Variants in COA1 observed in about 807,000 individuals in gnomAD.
The protein encoded by COA1 is cytochrome c oxidase assembly factor 1.
COA1 carries 13 observed loss-of-function variants against 16.0 expected under a neutral mutation model. The ratio of observed to expected loss-of-function variants is 0.81; its 90% CI spans 0.53 to 1.29. The LOEUF (loss-of-function observed/expected upper bound fraction) is 1.29, where lower values mean the gene tolerates loss of function less well. COA1 is among the 50% of genes most tolerant of loss of function. COA1 has a pLI of 0.00. For synonymous variants in COA1, 65 were observed against 65.7 expected (o/e 0.99, Z 0.05); for missense variants, 179 against 177.0 (o/e 1.01, Z -0.06).
intron 1 of COA1, among the ~76,000 whole-genome samples, chr7:43,696,688 G>T (rs527349081): frequency 1.3e-5 from 2 of 149,416 alleles, no homozygotes; most frequent in Admixed American, 6.6e-5. Flanking sequence ...TAAAAATGTT[G>T]ATATATACAT....
chr7:43,697,169 T>C (rs1295543041), intron 1 of COA1, among the ~76,000 whole-genome samples: 1 of 152,058 alleles, frequency 6.6e-6, no homozygotes, highest in Non-Finnish European at 1.5e-5. Context: ...CTGGCAAATA[T>C]GTAAAAATAT....
chr7:43,720,452 A>T (rs1188110437), intron 1 of COA1, among the ~76,000 whole-genome samples: 1 of 152,098 alleles, frequency 6.6e-6, no homozygotes. Flanking sequence ...TTTTTCAGAA[A>T]CTTACAAACT....
chr7:43,628,163 T>C (rs1368785104), intron 6 of COA1, among the ~76,000 whole-genome samples: 3 of 150,302 alleles, frequency 2.0e-5, no homozygotes, highest in Non-Finnish European at 4.4e-5. Flanking sequence ...ATTTTTGTAT[T>C]TTTTTTTTAG....
rs1394823282 is a variant in COA1 at position 43,628,352 on chromosome 7, A to ATCCTTCTGT, written c.*133+11088_*133+11096dup. Among the ~76,000 whole-genome samples, 3 of 152,090 alleles carry ATCCTTCTGT rather than the reference A, an allele frequency of 2.0e-5. No homozygotes were observed. The South Asian group carries it at 6.2e-4, about 32-fold the overall frequency. ...TGAATGCATGACAGTTTATGTAGCT[A>ATCCTTCTGT]TCCTTCTGTTCATGGACCCCTGAGC... is the stretch of plus-strand genomic sequence containing the variant. On this transcript the variant is annotated intron_variant and NMD_transcript_variant, in intron 6 of 6. Transcript: ENST00000415076.
chr7:43,678,204 A>G (rs573310399), intron 1 of COA1, among the ~76,000 whole-genome samples: 6 of 152,386 alleles, frequency 3.9e-5, no homozygotes, highest in Non-Finnish European at 8.8e-5. Context: ...AAAAATTACA[A>G]GATAGTAAGA....
chr7:43,624,923 T>G, intron 6 of COA1: 2 of 1,259,166 alleles, frequency 1.6e-6, no homozygotes, highest in South Asian at 3.0e-5. Context: ...AAATGGTACA[T>G]GTACTGGAAG....
chr7:43,710,349 A>C, intron 1 of COA1, among the ~76,000 whole-genome samples: 1 of 58,278 alleles, frequency 1.7e-5, no homozygotes, highest in African/African-American at 9.5e-5. Flanking sequence ...ACTCTGTCTC[A>C]AAAAAAAAAA....
In COA1 at chr7:43,725,846, C is replaced by T. The variant is rs562491525; in HGVS notation, c.-39+3583G>A. Among the ~76,000 whole-genome samples the T allele has an allele frequency of 6.3e-4, 95 of 150,930 alleles. No homozygotes were observed. In the Middle Eastern group the frequency reaches 0.01, roughly 17 times the overall value. On this transcript the variant is annotated intron_variant, in intron 1 of 5. Transcript: ENST00000223336. ...TGCACTCCAGCCTGGGTACCAAGAG[C>T]GAAACTCCATCTCAAAAAATATATA...
At chr7:43,670,323 G>C (rs983527313) in intron 1 of COA1, among the ~76,000 whole-genome samples, 5 of 151,998 alleles carry the variant, frequency 3.3e-5, no homozygotes, top group Non-Finnish European at 7.4e-5. Flanking sequence ...TGTGGTGGTG[G>C]GTACCTGTAG....
chr7:43,653,180 C>T (rs1277496557), intron 1 of COA1, among the ~76,000 whole-genome samples: 2 of 151,930 alleles, frequency 1.3e-5, no homozygotes, highest in African/African-American at 2.4e-5. Flanking sequence ...GGCATAGTGG[C>T]GGGCACCCGT....
chr7:43,691,289 G>GAAAA (rs1393924031), intron 1 of COA1, among the ~76,000 whole-genome samples: 1 of 51,130 alleles, frequency 2.0e-5, no homozygotes. Context: ...AAGAAAGAAA[G>GAAAA]AAAGAAAGAA....
At chr7:43,617,209 C>T (rs1015452296) in intron 6 of COA1, among the ~76,000 whole-genome samples, 1 of 152,076 alleles carries the variant, frequency 6.6e-6, no homozygotes, top group African/African-American at 2.4e-5. Context: ...AGGACATGCA[C>T]ACCATGCGAA....
intron 1 of COA1, among the ~76,000 whole-genome samples, chr7:43,692,064 T>A (rs1444047509): frequency 6.6e-6 from 1 of 152,138 alleles, no homozygotes; most frequent in Non-Finnish European, 1.5e-5. Flanking sequence ...CAGCTTAGTA[T>A]GGTTCACACA....
At chr7:43,709,938 A>C (rs538642209) in intron 1 of COA1, among the ~76,000 whole-genome samples, 9 of 152,246 alleles carry the variant, frequency 5.9e-5, no homozygotes, top group Non-Finnish European at 1.2e-4. Context: ...TGCAAAGTGC[A>C]CACTTTTTCA....
At chr7:43,713,984 C>T (rs1295836015) in intron 1 of COA1, among the ~76,000 whole-genome samples, 4 of 150,098 alleles carry the variant, frequency 2.7e-5, no homozygotes, top group Non-Finnish European at 5.9e-5. Flanking sequence ...TGCAGTGAGC[C>T]GAGATCACAC....
intron 1 of COA1, among the ~76,000 whole-genome samples, chr7:43,655,432 C>T (rs1051538616): frequency 5.3e-5 from 8 of 152,142 alleles, no homozygotes; most frequent in African/African-American, 1.9e-4. Context: ...AGGCAGATCA[C>T]TTAAGGTCAG....
rs2130794534 is a variant in COA1, at chr7:43,687,337, C to A, written c.-38-38685G>T. ...CAGACAAGAAAATAGGAAAAACAAG[C>A]TTGCCTAAGACATTTTAAAGTGCTT... On this transcript the variant is annotated intron_variant, in intron 1 of 5. Transcript: ENST00000223336. Among the ~76,000 whole-genome samples the A allele has an allele frequency of 1.3e-5, 2 of 152,304 alleles. 1 individual carries two copies. The highest frequency in any genetic ancestry group is 4.1e-4 in the South Asian group (2 of 4,820).
At chr7:43,670,013 T>C (rs1427693807) in intron 1 of COA1, among the ~76,000 whole-genome samples, 1 of 152,264 alleles carries the variant, frequency 6.6e-6, no homozygotes, top group East Asian at 1.9e-4. Flanking sequence ...CAGGGAGACT[T>C]AGCTTGAGAT....
At chr7:43,665,820 C>T (rs1002662351) in intron 1 of COA1, 9 of 152,204 alleles carry the variant, frequency 5.9e-5, no homozygotes, top group African/African-American at 2.2e-4. Flanking sequence ...ATCACAAGAA[C>T]AGCATCTAGG....
Sources: gnomAD v4.1 joint callset for allele counts (sites outside exome capture counted in the v4.1 genomes callset) on GRCh38, gnomAD v4.1.1 for gene constraint, MANE v1.5 for transcripts, NCBI Gene and HGNC (gene_info 2026-07-23, HGNC 2026-07-21) for gene names.